DNTTIP1: variants seen among roughly 807,000 people sequenced by gnomAD.
The protein encoded by DNTTIP1 is deoxynucleotidyltransferase terminal-interacting protein 1.
In DNTTIP1, 22 loss-of-function variants were observed where a neutral mutation model predicts 52.9. The ratio of observed to expected loss-of-function variants is 0.42; its 90% CI spans 0.30 to 0.59. The LOEUF is 0.59. Ranked by LOEUF, DNTTIP1 falls within the 20% of genes least tolerant of loss-of-function variation. DNTTIP1 has a pLI of 0.22. For missense variants in DNTTIP1, 286 were observed against 435.5 expected (o/e 0.66, Z 3.06); for synonymous variants, 136 against 155.1 (o/e 0.88, Z 0.92).
At chr20:45,800,584 G>T (rs12480282) in intron 4 of DNTTIP1, among the ~76,000 whole-genome samples, 16,162 of 149,624 alleles carry the variant, frequency 0.11, 979 homozygotes, top group South Asian at 0.22. Context: ...TGAGGCAGGA[G>T]AATCGCTTGA....
chr20:45,809,083 G>C lies in DNTTIP1; in HGVS notation c.724-31G>C. ...AAATGAGAAAAGCCCCTTACCCGAG[G>C]CTAATTTTCTTACAACTTCATTCCT... On this transcript the variant is annotated intron_variant, in intron 10 of 12. Coordinates refer to ENST00000372622, the MANE Select transcript of DNTTIP1 (RefSeq NM_052951.3). The surrounding 1 kb of genome is among the most constrained non-coding windows in gnomAD (Gnocchi z 4.2). 1.2e-6 allele frequency: 2 copies of C among 1,605,432 alleles called. No homozygotes were observed. Among genetic ancestry groups the C allele is most frequent in the South Asian group, 1.1e-5 (1 of 90,916 alleles).
chr20:45,802,208 A>G, intron 7 of DNTTIP1, 151 bp downstream of exon 7: 1 of 845,358 alleles, frequency 1.2e-6, no homozygotes, highest in Non-Finnish European at 1.9e-6. Context: ...TGGAGGGGTG[A>G]GGAAGGAGGG....
chr20:45,795,000 G>A (rs1424571883), intron 3 of DNTTIP1, among the ~76,000 whole-genome samples: 6 of 151,652 alleles, frequency 4.0e-5, no homozygotes, highest in South Asian at 2.1e-4. Context: ...GGGTTTCACC[G>A]TGTTAGCCAG....
At chr20:45,801,492 A>G (rs1053731583) in intron 6 of DNTTIP1, 34 bp downstream of exon 6, 3 of 1,612,840 alleles carry the variant, frequency 1.9e-6, no homozygotes, top group South Asian at 2.2e-5. Flanking sequence ...TTCTGGCTGA[A>G]AAAAGGCTTG....
chr20:45,804,458 A>G (rs1434521359), intron 8 of DNTTIP1, among the ~76,000 whole-genome samples: 1 of 152,004 alleles, frequency 6.6e-6, no homozygotes, highest in African/African-American at 2.4e-5. Flanking sequence ...CTTCAAATCC[A>G]TTATCCACAT....
At chr20:45,799,986 G>A (rs1272510889) in intron 4 of DNTTIP1, among the ~76,000 whole-genome samples, 2 of 150,524 alleles carry the variant, frequency 1.3e-5, no homozygotes, top group Non-Finnish European at 3.0e-5. Flanking sequence ...GCTGGGTGTG[G>A]TTGCACGCCT....
At chr20:45,808,152 C>T (rs927824175) in intron 10 of DNTTIP1, among the ~76,000 whole-genome samples, 7 of 152,056 alleles carry the variant, frequency 4.6e-5, no homozygotes, top group African/African-American at 7.2e-5. Flanking sequence ...TCAAAACCAG[C>T]CTGGCCAACA....
intron 10 of DNTTIP1, among the ~76,000 whole-genome samples, chr20:45,808,422 C>T (rs1981719023): frequency 1.3e-5 from 2 of 152,022 alleles, no homozygotes; most frequent in Admixed American, 1.3e-4. Flanking sequence ...GGGCAGATCA[C>T]CTGAGGTCGG....
At chr20:45,797,791 T>C (rs1333840556) in intron 4 of DNTTIP1, among the ~76,000 whole-genome samples, 3 of 152,128 alleles carry the variant, frequency 2.0e-5, no homozygotes, top group Admixed American at 6.6e-5. Context: ...GATACCATCT[T>C]ACACCAGTTA....
rs1981454144 is a variant in DNTTIP1, at chr20:45,801,151, C to G, written c.441+9C>G. 3.7e-6 allele frequency: 6 copies of G among 1,613,300 alleles called. No individual in the cohort carries two copies. Among genetic ancestry groups the G allele is most frequent in the Non-Finnish European group, 5.1e-6 (6 of 1,179,368 alleles). ...AGCTTCCAGGAATAAAGGTCAGAGT[C>G]ACTGTGTTCTCGGGTATTGGAGCGG... On this transcript the variant is annotated intron_variant, in intron 5 of 12. Transcript: ENST00000372622.
intron 4 of DNTTIP1, among the ~76,000 whole-genome samples, chr20:45,797,783 T>C (rs1981290479): frequency 6.6e-6 from 1 of 152,240 alleles, no homozygotes; most frequent in Admixed American, 6.5e-5. Flanking sequence ...CACAATGAGA[T>C]ACCATCTTAC....
chr20:45,796,368 A>G (rs773824532), intron 4 of DNTTIP1: 67 of 410,196 alleles, frequency 1.6e-4, no homozygotes, highest in Non-Finnish European at 2.9e-4. Context: ...GAGCTAGAAA[A>G]AAATTTTTAA....
At chr20:45,803,457 G>A (rs1568708747) in intron 8 of DNTTIP1, 79 bp downstream of exon 8, 2 of 1,529,248 alleles carry the variant, frequency 1.3e-6, no homozygotes, top group Non-Finnish European at 1.8e-6. Flanking sequence ...ATGAGGGAAA[G>A]GGGCAGGGGG....
intron 4 of DNTTIP1, chr20:45,796,405 T>C: frequency 2.5e-6 from 1 of 401,302 alleles, no homozygotes; most frequent in Admixed American, 3.5e-5. Flanking sequence ...AAAAAAGAAA[T>C]GGCTTAAGAC....
chr20:45,809,865 T>TTTTAC lies in DNTTIP1; in HGVS notation c.795+684_795+685insCTTTA, dbSNP rs1981767741. ...CTCCTTTCTGGCAGTGAGAGCTACC[T>TTTTAC]TTTATTTTATTTTACTACTCTATTT... On this transcript the variant is annotated intron_variant, in intron 11 of 12. Coordinates refer to ENST00000372622, the MANE Select transcript of DNTTIP1 (RefSeq NM_052951.3). The surrounding 1 kb of genome is among the most constrained non-coding windows in gnomAD (Gnocchi z 4.2). 6.6e-6 allele frequency among the ~76,000 whole-genome samples: 1 copy of TTTTAC among 152,166 alleles called. No individual in the cohort carries two copies. Among genetic ancestry groups the TTTTAC allele is most frequent in the South Asian group, 2.1e-4 (1 of 4,830 alleles).
At chr20:45,803,099 C>T (rs1981525787) in intron 7 of DNTTIP1, 1 of 496,610 alleles carries the variant, frequency 2.0e-6, no homozygotes, top group Non-Finnish European at 3.6e-6. Context: ...AAAACTGCCA[C>T]TCAGAGGTTC....
chr20:45,806,167 C>A lies in DNTTIP1; in HGVS notation c.723+801C>A, dbSNP rs113744023. Among the ~76,000 whole-genome samples the A allele has an allele frequency of 3.0e-3, 454 of 151,996 alleles. 4 individuals carry two copies. The highest frequency in any genetic ancestry group is 0.011 in the African/African-American group (439 of 41,430). ...AGTCGGGAGTTCGAGACCAGCCTGA[C>A]CAACATGGAGAAACCCCGTCTCTAC... On this transcript the variant is annotated intron_variant, in intron 10 of 12. Coordinates refer to ENST00000372622, the MANE Select transcript of DNTTIP1 (RefSeq NM_052951.3).
At chr20:45,804,617 C>G (rs1190160148) in intron 8 of DNTTIP1, among the ~76,000 whole-genome samples, 1 of 152,194 alleles carries the variant, frequency 6.6e-6, no homozygotes. Context: ...GTGTTTCTCT[C>G]TCCAGCCCCA....
intron 4 of DNTTIP1, among the ~76,000 whole-genome samples, chr20:45,800,871 G>A (rs142597856): frequency 2.2e-3 from 327 of 150,284 alleles, no homozygotes; most frequent in African/African-American, 7.6e-3. Flanking sequence ...GCGCACCCCT[G>A]TAGTCCCAGC....
Sources: gnomAD v4.1 joint callset for allele counts (sites outside exome capture counted in the v4.1 genomes callset) on GRCh38, gnomAD v4.1.1 for gene constraint, Gnocchi (gnomAD v3.1) non-coding constraint, MANE v1.5 for transcripts, NCBI Gene and HGNC (gene_info 2026-07-23, HGNC 2026-07-21) for gene names.